CABIN1: variants seen among roughly 807,000 people sequenced by gnomAD.
CABIN1 encodes the protein calcineurin-binding protein cabin-1.
A neutral mutation model predicts 227.7 loss-of-function variants in CABIN1; 133 were observed. The ratio of observed to expected loss-of-function variants is 0.58; its 90% CI spans 0.51 to 0.67. The LOEUF is 0.67. CABIN1 is among the 30% of genes least tolerant of loss of function. The pLI, the probability that CABIN1 is intolerant of heterozygous loss-of-function variation, is 0.00. For synonymous variants in CABIN1, 1,086 were observed against 1,155.1 expected, an observed-to-expected ratio of 0.94 and a Z score of 1.21; for missense variants, 2,408 against 2,852.5, an observed-to-expected ratio of 0.84 and a Z score of 3.55.
At chr22:24,026,057 G>A (rs553459766) in intron 1 of CABIN1, among the ~76,000 whole-genome samples, 2 of 151,972 alleles carry the variant, frequency 1.3e-5, no homozygotes, top group Non-Finnish European at 2.9e-5. Flanking sequence ...GGCTGGTCTC[G>A]AACTCCTGAG....
intron 1 of CABIN1, among the ~76,000 whole-genome samples, chr22:24,017,394 A>T (rs2035381611): frequency 6.6e-6 from 1 of 152,126 alleles, no homozygotes; most frequent in Non-Finnish European, 1.5e-5. Flanking sequence ...AAATACATCC[A>T]CATTGTTATG....
chr22:24,046,136 G>A (rs1398249712), intron 6 of CABIN1, among the ~76,000 whole-genome samples: 2 of 151,916 alleles, frequency 1.3e-5, no homozygotes, highest in Non-Finnish European at 1.5e-5. Context: ...CGTGTAGCGT[G>A]TGCTTTCCTC....
chr22:24,144,107 G>C (rs1460134634), intron 29 of CABIN1, among the ~76,000 whole-genome samples: 5 of 152,220 alleles, frequency 3.3e-5, no homozygotes, highest in Non-Finnish European at 7.4e-5. Context: ...CAGAAGCCTA[G>C]GGAATAATGG....
intron 1 of CABIN1, among the ~76,000 whole-genome samples, chr22:24,035,149 G>A (rs535587127): frequency 6.6e-6 from 1 of 152,248 alleles, no homozygotes; most frequent in Admixed American, 6.5e-5. Flanking sequence ...GTATCATTCA[G>A]GTTTTGAAAA....
At position 24,036,143 on chromosome 22, in the gene CABIN1, AGC is replaced by A. The variant is rs746498252; in HGVS notation, c.59_60del (p.Ser20IlefsTer2). ...CACCATTGAGGATGATCATGAAGGAAGCTTTAAAAGTCACAAAACCCAGACAA... is the reference window on the plus strand; with the variant it reads ...CACCATTGAGGATGATCATGAAGGAATTTAAAAGTCACAAAACCCAGACAA... ...SSTIEDDHEG[S>X]FKSHKTQTKE... On this transcript the variant is annotated frameshift_variant, in exon 3 of 37. Coordinates refer to ENST00000263119, the MANE Select transcript of CABIN1 (RefSeq NM_012295.4). LOFTEE classifies it high-confidence loss of function. The A allele has an allele frequency of 3.7e-6, 6 of 1,613,846 alleles. No individual in the cohort carries two copies. Among genetic ancestry groups the A allele is most frequent in the Non-Finnish European group, 5.1e-6 (6 of 1,179,814 alleles).
chr22:24,139,834 T>G (rs1444594289), intron 29 of CABIN1, among the ~76,000 whole-genome samples: 2 of 152,238 alleles, frequency 1.3e-5, no homozygotes, highest in African/African-American at 4.8e-5. Flanking sequence ...ATTAATTTCA[T>G]TCATCCCTTT....
At chr22:24,021,838 C>G (rs2035747203) in intron 1 of CABIN1, among the ~76,000 whole-genome samples, 1 of 152,188 alleles carries the variant, frequency 6.6e-6, no homozygotes, top group Non-Finnish European at 1.5e-5. Context: ...GCACATGCCA[C>G]CATGCCCAGC....
intron 6 of CABIN1, among the ~76,000 whole-genome samples, chr22:24,044,566 C>T (rs1258358667): frequency 1.3e-5 from 2 of 152,148 alleles, no homozygotes; most frequent in East Asian, 1.9e-4. Flanking sequence ...TAACAATGCC[C>T]TCTTATTTTC....
rs1355165910 is a variant in CABIN1, at chr22:24,042,834, G to GTGTGTGTGTGTGTTTGCCCTCTGCT, written c.346-57_346-56insTTGCCCTCTGCTTGTGTGTGTGTGT. The stretch of plus-strand genomic sequence containing the variant: ...GAGATCTGACTGTGTGTGTGTGTGT[G>GTGTGTGTGTGTGTTTGCCCTCTGCT]TGTGTGTGTGTGTGTGTGTGTGTGT... On this transcript the variant is annotated intron_variant, in intron 5 of 36. Coordinates refer to ENST00000263119, the MANE Select transcript of CABIN1 (RefSeq NM_012295.4). 17 of 651,464 alleles carry GTGTGTGTGTGTGTTTGCCCTCTGCT rather than the reference G, an allele frequency of 2.6e-5. No homozygotes were observed. The African/African-American group carries it at 3.2e-4, about 12-fold the overall frequency. 40.4% of individuals were successfully genotyped at this position (651,464 alleles called of 1,614,324 possible). A position where few individuals can be genotyped will look rare whatever the true frequency, so the allele number is the denominator to read the frequency against.
At chr22:24,103,925 C>G (rs1030081772) in intron 26 of CABIN1, among the ~76,000 whole-genome samples, 5 of 152,010 alleles carry the variant, frequency 3.3e-5, no homozygotes, top group Non-Finnish European at 5.9e-5. Context: ...CAGACGGGAG[C>G]AAGTTCTGGG....
rs1163883648 is a variant in CABIN1 at position 24,177,543 on chromosome 22, C to G, written c.6245C>G (p.Ala2082Gly). 2 of 1,571,758 alleles carry G rather than the reference C, an allele frequency of 1.3e-6. No homozygotes were observed. The highest frequency in any genetic ancestry group is 2.3e-5 in the South Asian group (2 of 86,630). Residue 2082 changes from alanine to glycine, a missense_variant, in exon 36 of 37, where the codon GCT (alanine) becomes GGT (glycine). Transcript: ENST00000263119. This position sits in a 1 kb window ranked among gnomAD's most constrained non-coding sequence, Gnocchi z 4.4. ...CCTGAGCCGAGAAGGGATGGGGAGG[C>G]TCAGGAGGCTGCGAGTGAGACTCAG... is the stretch of plus-strand genomic sequence containing the variant. ...LRPEPRRDGE[A>G]QEAASETQPL... is the part of the protein sequence containing the mutation.
chr22:24,081,297 T>C (rs1372969785), intron 19 of CABIN1, among the ~76,000 whole-genome samples: 3 of 152,236 alleles, frequency 2.0e-5, no homozygotes, highest in Admixed American at 2.0e-4. Flanking sequence ...CTCTCTCTTT[T>C]TGGGGAGTGT....
chr22:24,085,154 C>A lies in CABIN1; in HGVS notation c.3263+3C>A. 6.2e-7 allele frequency: 1 copy of A among 1,614,170 alleles called. No homozygotes were observed. The highest frequency in any genetic ancestry group is 8.5e-7 in the Non-Finnish European group (1 of 1,180,028). On this transcript the variant is annotated splice_donor_region_variant and intron_variant, in intron 22 of 36. Coordinates refer to ENST00000263119, the MANE Select transcript of CABIN1 (RefSeq NM_012295.4). ...GACATCTGCATCTGCCCCAATAGGT[C>A]AGTGACCAGATCATGAGGCTAGGCT...
chr22:24,164,525 G>T lies in CABIN1; in HGVS notation c.4872G>T (p.Lys1624Asn). 2 of 1,605,922 alleles carry T rather than the reference G, an allele frequency of 1.2e-6. No homozygotes were observed. The highest frequency in any genetic ancestry group is 8.5e-7 in the Non-Finnish European group (1 of 1,179,952). Residue 1624 changes from lysine to asparagine, a missense_variant, in exon 30 of 37, where the codon AAG (lysine) becomes AAT (asparagine). This residue lies in a region of CABIN1 where 649 missense variants were observed against 910.3 expected (regional missense o/e 0.71). Coordinates refer to ENST00000263119, the MANE Select transcript of CABIN1 (RefSeq NM_012295.4). Reference protein sequence around the residue: ...AQLRDHSTLLKVSSMLQRTPD... With the variant: ...AQLRDHSTLLNVSSMLQRTPD... ...TGCGGGACCACAGCACCCTGCTGAA[G>T]GTGTCCTCCATGCTTCAGCGGACCC... is the stretch of plus-strand genomic sequence containing the variant.
intron 29 of CABIN1, among the ~76,000 whole-genome samples, chr22:24,157,759 C>G (rs968309071): frequency 1.3e-5 from 2 of 152,182 alleles, no homozygotes; most frequent in African/African-American, 4.8e-5. Context: ...CACAGCTGCT[C>G]CTGACCTCAG....
At chr22:24,171,385 A>G (rs1200142897) in intron 33 of CABIN1, among the ~76,000 whole-genome samples, 1 of 152,242 alleles carries the variant, frequency 6.6e-6, no homozygotes, top group Admixed American at 6.5e-5. Context: ...GCAGGACATA[A>G]TCCTCCCAGA....
chr22:24,063,279 G>A lies in CABIN1; in HGVS notation c.1884+133G>A. ...GTGTGCATGCATGTGTACATGCATA[G>A]CACCTGCCCGGGCACTGGGCTTGGC... On this transcript the variant is annotated intron_variant, in intron 14 of 36. Coordinates refer to ENST00000263119, the MANE Select transcript of CABIN1 (RefSeq NM_012295.4). 6.7e-6 allele frequency: 6 copies of A among 898,360 alleles called. No individual in the cohort carries two copies. In the South Asian group the frequency reaches 9.1e-5, roughly 14 times the overall value. 55.6% of individuals were successfully genotyped at this position (898,360 alleles called of 1,614,324 possible).
chr22:24,141,508 A>T (rs1156916580), intron 29 of CABIN1, among the ~76,000 whole-genome samples: 1 of 152,208 alleles, frequency 6.6e-6, no homozygotes, highest in Non-Finnish European at 1.5e-5. Context: ...GGAGGCCAGG[A>T]CACAGGTCCC....
chr22:24,086,519 G>A (rs2041177546), intron 22 of CABIN1, among the ~76,000 whole-genome samples: 1 of 152,246 alleles, frequency 6.6e-6, no homozygotes. Flanking sequence ...TGGGCTCCAG[G>A]CCTTGGCCAC....
Sources: gnomAD v4.1 joint callset for allele counts (sites outside exome capture counted in the v4.1 genomes callset) on GRCh38, gnomAD v4.1.1 for gene constraint, gnomAD v4.1.1 regional missense constraint, Gnocchi (gnomAD v3.1) non-coding constraint, MANE v1.5 for transcripts, NCBI Gene and HGNC (gene_info 2026-07-23, HGNC 2026-07-21) for gene names.